Variants in CKAP5 observed in about 807,000 individuals in gnomAD.
CKAP5 encodes the protein cytoskeleton associated protein 5, also known as cytoskeleton-associated protein 5.
In CKAP5, 27 loss-of-function variants were observed where a neutral mutation model predicts 232.8. That is an observed-to-expected ratio of 0.12 (90% CI 0.09 to 0.16). The LOEUF (loss-of-function observed/expected upper bound fraction) is 0.16, where lower values mean the gene tolerates loss of function less well. CKAP5 is among the 10% of genes least tolerant of loss of function. The pLI is 1.00. For synonymous variants in CKAP5, 785 were observed against 841.1 expected (o/e 0.93, Z 1.16); for missense variants, 1,838 against 2,424.7 (o/e 0.76, Z 5.08).
intron 1 of CKAP5, among the ~76,000 whole-genome samples, chr11:46,844,008 G>A (rs942968592): frequency 3.3e-5 from 5 of 151,660 alleles, no homozygotes; most frequent in African/African-American, 7.3e-5. Context: ...ATCATTTGAG[G>A]TCAGGAGTTC....
chr11:46,778,116 G>C, intron 22 of CKAP5, 23 bp downstream of exon 22: 1 of 1,595,518 alleles, frequency 6.3e-7, no homozygotes, highest in Non-Finnish European at 8.5e-7. Flanking sequence ...GAGATAAAAA[G>C]AACAGCCGTA....
At chr11:46,766,127 C>A (rs2065200785) in intron 27 of CKAP5, among the ~76,000 whole-genome samples, 1 of 152,106 alleles carries the variant, frequency 6.6e-6, no homozygotes, top group African/African-American at 2.4e-5. Flanking sequence ...AGGTAAAATT[C>A]AAATTTCATT....
At chr11:46,778,058 C>T (rs900986223) in intron 22 of CKAP5, 81 bp downstream of exon 22, 5 of 1,151,222 alleles carry the variant, frequency 4.3e-6, no homozygotes, top group Admixed American at 2.6e-5. Flanking sequence ...TTATTTTTTG[C>T]AAGTGAAGGC....
chr11:46,770,383 G>A, intron 25 of CKAP5: 1 of 384,020 alleles, frequency 2.6e-6, no homozygotes. Context: ...ATTTCAAATT[G>A]AGACTCACAG....
chr11:46,783,393 T>C, intron 17 of CKAP5, 25 bp from the exon 18 acceptor site: 1 of 1,406,688 alleles, frequency 7.1e-7, no homozygotes, highest in Non-Finnish European at 1.0e-6. Context: ...ACAGCAGATC[T>C]GTGTTTTATC....
At chr11:46,770,676 G>A (rs981539583) in intron 25 of CKAP5, 112 bp downstream of exon 25, 12 of 941,166 alleles carry the variant, frequency 1.3e-5, no homozygotes, top group Non-Finnish European at 1.3e-5. Context: ...TAATCCACCT[G>A]TCTCGGCCTC....
In CKAP5 at chr11:46,776,328, C is replaced by T; in HGVS notation, c.2918G>A (p.Gly973Asp). ...ATVNAWAEQT[G>D]MKEWLEGEDL... is the part of the protein sequence containing the mutation. ...TTCTCCTTCCAGCCATTCCTTCATG[C>T]CAGTCTGTTCTGCCCAAGCATTCAC... is the stretch of plus-strand genomic sequence containing the variant. The change falls in exon 24 of 44, where the codon GGC becomes GAC. Residue 973 changes from glycine (G) to aspartate (D), a missense_variant. By Grantham distance (94) the Gly-to-Asp change is moderately conservative. Around this residue, in one of 6 missense-constraint regions of CKAP5, gnomAD observed 767 missense variants for 954.6 expected, o/e 0.80. Coordinates refer to ENST00000529230, the MANE Select transcript of CKAP5 (RefSeq NM_001008938.4). 2 of 1,613,970 alleles carry T rather than the reference C, an allele frequency of 1.2e-6. No homozygotes were observed. Among genetic ancestry groups the T allele is most frequent in the Non-Finnish European group, 1.7e-6 (2 of 1,179,880 alleles).
intron 8 of CKAP5, among the ~76,000 whole-genome samples, chr11:46,802,561 C>T (rs13313145): frequency 4.6e-5 from 4 of 87,540 alleles, no homozygotes; most frequent in Non-Finnish European, 8.8e-5. Flanking sequence ...CAGACAGACA[C>T]ACACACACAC....
chr11:46,775,478 A>G (rs1183489684), intron 24 of CKAP5, among the ~76,000 whole-genome samples: 2 of 152,238 alleles, frequency 1.3e-5, no homozygotes, highest in African/African-American at 2.4e-5. Context: ...ACTGGGTAAT[A>G]CCCAAAAGAT....
At position 46,808,111 on chromosome 11, in the gene CKAP5, G is replaced by A; in HGVS notation, c.898C>T (p.Leu300=). 6.2e-7 allele frequency: 1 copy of A among 1,613,554 alleles called. No individual in the cohort carries two copies. Residue 300 remains leucine, a synonymous_variant, in exon 8 of 44, where the codon CTG becomes TTG. Coordinates refer to ENST00000529230, the MANE Select transcript of CKAP5 (RefSeq NM_001008938.4). The stretch of plus-strand genomic sequence containing the variant: ...TTTATTAGTACTTCTACAGACTCCA[G>A]GGCCTCTTTTCTCTCTTGCCATTTT... ...AKKWQERKEA[L]ESVEVLIKNP... is the part of the protein sequence containing the mutation.
intron 36 of CKAP5, 70 bp from the exon 37 acceptor site, chr11:46,753,567 A>C: frequency 9.1e-7 from 1 of 1,096,800 alleles, no homozygotes; most frequent in Admixed American, 2.4e-5. Context: ...TGGGTGGCAT[A>C]TTCTGATAAA....
chr11:46,842,922 G>A (rs560999911), intron 1 of CKAP5, among the ~76,000 whole-genome samples: 14 of 141,684 alleles, frequency 9.9e-5, no homozygotes, highest in Admixed American at 6.8e-4. Flanking sequence ...AGCCGAGATC[G>A]CGCCACCGCA....
chr11:46,744,223 C>T lies in CKAP5; in HGVS notation c.5899G>A (p.Ala1967Thr). The T allele has an allele frequency of 6.2e-7, 1 of 1,614,060 alleles. No individual in the cohort carries two copies. The highest frequency in any genetic ancestry group is 8.5e-7 in the Non-Finnish European group (1 of 1,180,022). The part of the protein sequence containing the change: ...PPLTSLLSKP[A>T]VPTVASSTDM... ...GTGGAAGAGGCGACAGTAGGAACTGCTGGTTTGGAGAGCAAAGAGGTCAAA... is the reference window on the plus strand; with the variant it reads ...GTGGAAGAGGCGACAGTAGGAACTGTTGGTTTGGAGAGCAAAGAGGTCAAA... Residue 1967 changes from alanine to threonine, a missense_variant, in exon 44 of 44, where the codon GCA (alanine) becomes ACA (threonine). Physicochemically the swap from Ala to Thr is moderately conservative, Grantham distance 58. Around this residue, in one of 6 missense-constraint regions of CKAP5, gnomAD observed 579 missense variants for 843.2 expected, o/e 0.69. Coordinates refer to ENST00000529230, the MANE Select transcript of CKAP5 (RefSeq NM_001008938.4).
rs748511226 is a variant in CKAP5, at chr11:46,759,285, G to A, written c.4552C>T (p.Leu1518Phe). The change falls in exon 34 of 44, where the codon CTT (leucine) becomes TTT (phenylalanine). Residue 1518 changes from leucine to phenylalanine, a missense_variant. Transcript: ENST00000529230. ...HKLDDIFEPV[L>F]IPEPKIRAVS... Reference sequence around the variant, plus strand: ...TTAACTCACTTGGGTTCAGGAATAAGGACTGGCTCAAAAATGTCATCCAGT... The same window carrying A: ...TTAACTCACTTGGGTTCAGGAATAAAGACTGGCTCAAAAATGTCATCCAGT... The A allele has an allele frequency of 1.2e-6, 2 of 1,613,620 alleles. No individual in the cohort carries two copies. Among genetic ancestry groups the A allele is most frequent in the South Asian group, 2.2e-5 (2 of 90,980 alleles).
intron 28 of CKAP5, 23 bp from the exon 29 acceptor site, chr11:46,763,653 AG>A (rs781271626): frequency 2.0e-6 from 3 of 1,482,832 alleles, no homozygotes; most frequent in Non-Finnish European, 2.7e-6. Flanking sequence ...AACGGTGAAA[AG>A]GGGCTACAGG....
At position 46,743,689 on chromosome 11, in the gene CKAP5, T is replaced by C. The variant is rs990862267; in HGVS notation, c.*334A>G. 8 of 271,462 alleles carry C rather than the reference T, an allele frequency of 2.9e-5. No individual in the cohort carries two copies. Among genetic ancestry groups the C allele is most frequent in the Admixed American group, 2.4e-4 (5 of 21,032 alleles). 16.8% of individuals were successfully genotyped at this position (271,462 alleles called of 1,614,324 possible). ...ATTAAAGAGTTTCTAATATTAACTA[T>C]TAAAAAGCTAGGAAAGATTAGGACA... On this transcript the variant is annotated 3_prime_UTR_variant, in exon 44 of 44. Transcript: ENST00000529230.
intron 1 of CKAP5, among the ~76,000 whole-genome samples, chr11:46,828,671 C>T (rs949186868): frequency 1.3e-5 from 2 of 152,100 alleles, no homozygotes; most frequent in East Asian, 1.9e-4. Flanking sequence ...TGTATGCACA[C>T]ACAAATGGAT....
chr11:46,755,842 T>C (rs7940682), intron 35 of CKAP5, among the ~76,000 whole-genome samples: 97,779 of 151,824 alleles, frequency 0.64, 33,165 homozygotes, highest in Non-Finnish European at 0.77. Context: ...GGCAGGAGAA[T>C]TGCTTGAACC....
rs193921076 is a variant in CKAP5, at chr11:46,809,784, T to C, written c.721A>G (p.Lys241Glu). The C allele has an allele frequency of 6.2e-7, 1 of 1,614,154 alleles. No individual in the cohort carries two copies. The highest frequency in any genetic ancestry group is 8.5e-7 in the Non-Finnish European group (1 of 1,180,020). ...CCAGCAGACTGTTGTTGTTCCAATT[T>C]AGCTTCTAGTTCTTGTTGGGAACGA... ...FLRSQQELEA[K>E]LEQQQSAGGD... The change falls in exon 6 of 44, where the codon AAA becomes GAA. Residue 241 changes from lysine (K) to glutamate (E), a missense_variant. Around this residue, in one of 6 missense-constraint regions of CKAP5, gnomAD observed 285 missense variants for 300.0 expected, o/e 0.95. Coordinates refer to ENST00000529230, the MANE Select transcript of CKAP5 (RefSeq NM_001008938.4).
Sources: gnomAD v4.1 joint callset for allele counts (sites outside exome capture counted in the v4.1 genomes callset) on GRCh38, gnomAD v4.1.1 for gene constraint, gnomAD v4.1.1 regional missense constraint, MANE v1.5 for transcripts, NCBI Gene and HGNC (gene_info 2026-07-23, HGNC 2026-07-21) for gene names.